CNTN5: variants seen among roughly 807,000 people sequenced by gnomAD.
The protein encoded by CNTN5 is contactin-5.
Under a neutral mutation model 129.1 loss-of-function variants are expected in CNTN5, and 77 were observed. The ratio of observed to expected loss-of-function variants is 0.60; its 90% CI spans 0.50 to 0.72. CNTN5 has a LOEUF of 0.72. Ranked by LOEUF, CNTN5 falls within the 30% of genes least tolerant of loss-of-function variation. The probability of loss-of-function intolerance (pLI) is 0.00; values close to 1 mark genes in which losing one functional copy is unlikely to be tolerated. For missense variants in CNTN5, 1,478 were observed against 1,328.8 expected (o/e 1.11, Z -1.75); for synonymous variants, 509 against 465.6 (o/e 1.09, Z -1.20).
At chr11:99,983,241 G>T (rs1196808455) in intron 8 of CNTN5, among the ~76,000 whole-genome samples, 2 of 152,184 alleles carry the variant, frequency 1.3e-5, no homozygotes, top group Non-Finnish European at 1.5e-5. Context: ...TTTAAAAGCT[G>T]AATTATAGTT....
rs1952542364 is a variant in CNTN5, at chr11:100,357,146, G to T, written c.*926G>T. On this transcript the variant is annotated 3_prime_UTR_variant, in exon 25 of 25. Transcript: ENST00000524871. ...GGTTTTCTTCTAATTGCAAAATTTTGCAAAAATTTTAAGGGCAATGAAAAT... is the reference window on the plus strand; with the variant it reads ...GGTTTTCTTCTAATTGCAAAATTTTTCAAAAATTTTAAGGGCAATGAAAAT... 6.6e-6 allele frequency: 1 copy of T among 151,522 alleles called. No individual in the cohort carries two copies. The highest frequency in any genetic ancestry group is 2.4e-5 in the African/African-American group (1 of 41,328). The allele number at this position is 151,522 out of a possible 1,614,324, so 9.4% of individuals were successfully genotyped here.
chr11:99,192,557 A>C (rs935492740), intron 1 of CNTN5, among the ~76,000 whole-genome samples: 1 of 151,954 alleles, frequency 6.6e-6, no homozygotes, highest in Non-Finnish European at 1.5e-5. Context: ...TAGAATTATA[A>C]TTTGTAATTA....
intron 1 of CNTN5, among the ~76,000 whole-genome samples, chr11:99,144,539 C>T (rs965294170): frequency 1.3e-5 from 2 of 152,178 alleles, no homozygotes; most frequent in African/African-American, 4.8e-5. Context: ...GCCGTCTCCT[C>T]TCCTCCTGGA....
At chr11:100,298,735 C>A (rs907909119) in intron 19 of CNTN5, among the ~76,000 whole-genome samples, 3 of 151,198 alleles carry the variant, frequency 2.0e-5, no homozygotes, top group Admixed American at 6.6e-5. Flanking sequence ...AAGCACACTA[C>A]AAAAAAGGTT....
At chr11:99,513,311 T>C (rs1946910950) in intron 2 of CNTN5, among the ~76,000 whole-genome samples, 1 of 152,120 alleles carries the variant, frequency 6.6e-6, no homozygotes, top group Non-Finnish European at 1.5e-5. Context: ...GCTTTTTCCA[T>C]AACAAAGTGC....
At chr11:99,402,488 G>A (rs1386996543) in intron 2 of CNTN5, among the ~76,000 whole-genome samples, 1 of 151,998 alleles carries the variant, frequency 6.6e-6, no homozygotes, top group Admixed American at 6.6e-5. Context: ...TTTGTTAAGG[G>A]TTTTTGCATC....
chr11:99,088,896 A>G (rs1292397938), intron 1 of CNTN5, among the ~76,000 whole-genome samples: 4 of 152,208 alleles, frequency 2.6e-5, no homozygotes, highest in African/African-American at 9.6e-5. Context: ...TTTTGCTTTC[A>G]GAGCTTATTT....
chr11:100,353,882 G>T (rs2139045817), intron 24 of CNTN5, among the ~76,000 whole-genome samples: 1 of 151,434 alleles, frequency 6.6e-6, no homozygotes, highest in South Asian at 2.1e-4. Flanking sequence ...AATAAATTCA[G>T]ACTCTATCTT....
intron 3 of CNTN5, among the ~76,000 whole-genome samples, chr11:99,815,199 A>G (rs942009136): frequency 6.6e-6 from 1 of 151,076 alleles, no homozygotes; most frequent in Admixed American, 6.6e-5. Context: ...ACTTAAATGT[A>G]GCAAGGGGAT....
chr11:99,745,091 C>T (rs1944011707), intron 3 of CNTN5, among the ~76,000 whole-genome samples: 1 of 152,148 alleles, frequency 6.6e-6, no homozygotes, highest in African/African-American at 2.4e-5. Context: ...CAAATTTCCT[C>T]CATTAAGCGT....
At chr11:99,784,382 G>A (rs1306942497) in intron 3 of CNTN5, among the ~76,000 whole-genome samples, 1 of 151,734 alleles carries the variant, frequency 6.6e-6, no homozygotes, top group African/African-American at 2.4e-5. Flanking sequence ...TCCCATTTAT[G>A]AGTGAGAACA....
intron 6 of CNTN5, among the ~76,000 whole-genome samples, chr11:99,904,936 T>A (rs919372878): frequency 2.6e-5 from 4 of 152,246 alleles, no homozygotes; most frequent in African/African-American, 9.6e-5. Flanking sequence ...TGCATAAATG[T>A]CTTCTTTTGC....
chr11:99,224,834 A>C (rs1475169789), intron 1 of CNTN5, among the ~76,000 whole-genome samples: 1 of 151,788 alleles, frequency 6.6e-6, no homozygotes, highest in African/African-American at 2.4e-5. Flanking sequence ...ATGCAGAAAC[A>C]TAACAACCCA....
intron 1 of CNTN5, among the ~76,000 whole-genome samples, chr11:99,148,989 T>TA (rs146084158): frequency 0.062 from 9,440 of 152,182 alleles, 789 homozygotes; most frequent in East Asian, 0.34. Context: ...ACTAGTAAGT[T>TA]ACACTTGACT....
At chr11:99,897,307 A>G (rs1250622964) in intron 6 of CNTN5, among the ~76,000 whole-genome samples, 11 of 152,268 alleles carry the variant, frequency 7.2e-5, no homozygotes, top group African/African-American at 2.6e-4. Context: ...AACACCTATG[A>G]GATAATATAC....
intron 15 of CNTN5, among the ~76,000 whole-genome samples, chr11:100,208,541 A>T (rs1208057254): frequency 6.6e-6 from 1 of 152,142 alleles, no homozygotes; most frequent in Non-Finnish European, 1.5e-5. Flanking sequence ...AGAAACTTAC[A>T]TCACATTTTA....
intron 3 of CNTN5, among the ~76,000 whole-genome samples, chr11:99,787,431 T>C (rs1945572662): frequency 2.0e-5 from 3 of 151,602 alleles, no homozygotes; most frequent in African/African-American, 7.3e-5. Flanking sequence ...TAAGGTATAA[T>C]ATTAAACTTA....
chr11:99,902,059 C>A (rs1949371198), intron 6 of CNTN5, among the ~76,000 whole-genome samples: 1 of 152,056 alleles, frequency 6.6e-6, no homozygotes, highest in Non-Finnish European at 1.5e-5. Flanking sequence ...AGAGGTCAAG[C>A]TTTTATACAT....
At chr11:99,219,773 G>A (rs1162567022) in intron 1 of CNTN5, among the ~76,000 whole-genome samples, 3 of 151,910 alleles carry the variant, frequency 2.0e-5, no homozygotes, top group African/African-American at 7.2e-5. Flanking sequence ...TGAGGGTAGA[G>A]GGTATGGGGA....
Sources: gnomAD v4.1 joint callset for allele counts (sites outside exome capture counted in the v4.1 genomes callset) on GRCh38, gnomAD v4.1.1 for gene constraint, MANE v1.5 for transcripts, NCBI Gene and HGNC (gene_info 2026-07-23, HGNC 2026-07-21) for gene names.